CTNNA2: variants seen among roughly 807,000 people sequenced by gnomAD.
CTNNA2 encodes catenin alpha 2.
Under a neutral mutation model 101.0 loss-of-function variants are expected in CTNNA2, and 42 were observed. That is an observed-to-expected ratio of 0.42 (90% CI 0.32 to 0.54). The LOEUF (loss-of-function observed/expected upper bound fraction) is 0.54, where lower values mean the gene tolerates loss of function less well. Among genes scored for constraint, CTNNA2 ranks in the 20% least tolerant of loss-of-function variants. The probability of loss-of-function intolerance (pLI) is 0.14; values close to 1 mark genes in which losing one functional copy is unlikely to be tolerated. For synonymous variants in CTNNA2, 450 were observed against 456.4 expected (o/e 0.99, Z 0.18); for missense variants, 871 against 1,223.1 (o/e 0.71, Z 4.29).
At chr2:79,534,222 T>A (rs1286454146) in intron 1 of CTNNA2, among the ~76,000 whole-genome samples, 1 of 152,184 alleles carries the variant, frequency 6.6e-6, no homozygotes, top group Non-Finnish European at 1.5e-5. Context: ...ATTTAATAAT[T>A]ATTATTTTAT....
At chr2:80,004,377 C>G (rs539306211) in intron 7 of CTNNA2, among the ~76,000 whole-genome samples, 1 of 152,150 alleles carries the variant, frequency 6.6e-6, no homozygotes, top group East Asian at 1.9e-4. Flanking sequence ...CCTCAAAGGA[C>G]CCAGGGAATT....
chr2:80,069,832 C>T (rs1448570305), intron 7 of CTNNA2, among the ~76,000 whole-genome samples: 1 of 152,192 alleles, frequency 6.6e-6, no homozygotes, highest in Non-Finnish European at 1.5e-5. Context: ...GCATTCTGTT[C>T]CCTTTGCCTT....
At chr2:79,817,073 A>G (rs1306552452) in intron 3 of CTNNA2, among the ~76,000 whole-genome samples, 2 of 151,764 alleles carry the variant, frequency 1.3e-5, no homozygotes, top group Non-Finnish European at 2.9e-5. Flanking sequence ...TTTAGGATAC[A>G]TGTGCCCAAC....
At chr2:80,426,904 C>T (rs1453888796) in intron 9 of CTNNA2, among the ~76,000 whole-genome samples, 1 of 152,046 alleles carries the variant, frequency 6.6e-6, no homozygotes, top group East Asian at 1.9e-4. Flanking sequence ...AGCTTTCAGC[C>T]TGAATATCAT....
At position 79,759,477 on chromosome 2, in the gene CTNNA2, C is replaced by T. The variant is rs377565249; in HGVS notation, c.298+14895C>T. On this transcript the variant is annotated intron_variant, in intron 3 of 18. Transcript: ENST00000402739. The stretch of plus-strand genomic sequence containing the variant: ...CCATACTTTTTCTCTGGTTCTCAGG[C>T]TCACCAAGCTTGCTCTGCTTTGAGT... 4.6e-5 allele frequency among the ~76,000 whole-genome samples: 7 copies of T among 152,278 alleles called. No individual in the cohort carries two copies. The East Asian group carries it at 1.4e-3, about 29-fold the overall frequency.
chr2:80,500,313 C>G (rs1486763654), intron 9 of CTNNA2, among the ~76,000 whole-genome samples: 1 of 152,164 alleles, frequency 6.6e-6, no homozygotes, highest in Non-Finnish European at 1.5e-5. Context: ...TTTAACAGCT[C>G]CCTGCCATGA....
intron 15 of CTNNA2, among the ~76,000 whole-genome samples, chr2:80,591,809 T>C (rs753053376): frequency 1.6e-4 from 25 of 152,110 alleles, no homozygotes; most frequent in Non-Finnish European, 3.1e-4. Flanking sequence ...CTCAATGATA[T>C]TCACTCCATT....
At chr2:79,852,533 C>T (rs1424928433) in intron 3 of CTNNA2, among the ~76,000 whole-genome samples, 1 of 152,180 alleles carries the variant, frequency 6.6e-6, no homozygotes, top group Admixed American at 6.5e-5. Flanking sequence ...GGAGTAAGTC[C>T]AATACTTGCC....
chr2:79,953,094 C>T (rs550135868), intron 7 of CTNNA2, among the ~76,000 whole-genome samples: 4 of 152,276 alleles, frequency 2.6e-5, no homozygotes, highest in Admixed American at 6.5e-5. Flanking sequence ...CGATTGACAT[C>T]GAGGCATGTG....
chr2:79,442,189 C>T (rs1221994439), intron 4 of CTNNA2, among the ~76,000 whole-genome samples: 1 of 152,086 alleles, frequency 6.6e-6, no homozygotes, highest in Non-Finnish European at 1.5e-5. Context: ...CAACAATTAG[C>T]ACAAATCAGT....
intron 6 of CTNNA2, among the ~76,000 whole-genome samples, chr2:79,886,940 T>C (rs547361216): frequency 9.9e-5 from 15 of 151,076 alleles, no homozygotes; most frequent in South Asian, 6.5e-4. Flanking sequence ...CACCTCAGCC[T>C]CCCGAGTAGC....
At chr2:80,057,075 A>G (rs987523453) in intron 7 of CTNNA2, among the ~76,000 whole-genome samples, 1 of 152,202 alleles carries the variant, frequency 6.6e-6, no homozygotes, top group South Asian at 2.1e-4. Flanking sequence ...TTGTCAAAGA[A>G]TATGTGTAAG....
chr2:79,661,137 A>G (rs1252361057), intron 2 of CTNNA2, among the ~76,000 whole-genome samples: 1 of 152,136 alleles, frequency 6.6e-6, no homozygotes, highest in Non-Finnish European at 1.5e-5. Context: ...AGAACCACCT[A>G]CTGCAAATCA....
intron 18 of CTNNA2, among the ~76,000 whole-genome samples, chr2:80,623,677 T>C (rs1183131246): frequency 6.6e-6 from 1 of 151,894 alleles, no homozygotes; most frequent in African/African-American, 2.4e-5. Flanking sequence ...TCCTGGGCCA[T>C]GTTGCAAAAA....
intron 3 of CTNNA2, among the ~76,000 whole-genome samples, chr2:79,318,836 A>T (rs1461075632): frequency 6.6e-6 from 1 of 152,232 alleles, no homozygotes; most frequent in Non-Finnish European, 1.5e-5. Flanking sequence ...CTGGCCGTTT[A>T]CAGAACAAGT....
At chr2:79,955,815 C>T (rs1442403019) in intron 7 of CTNNA2, among the ~76,000 whole-genome samples, 1 of 152,134 alleles carries the variant, frequency 6.6e-6, no homozygotes, top group Non-Finnish European at 1.5e-5. Flanking sequence ...CACACTCGGC[C>T]CCCAGGGGAC....
At chr2:79,340,961 A>C (rs575113499) in intron 3 of CTNNA2, among the ~76,000 whole-genome samples, 2 of 152,108 alleles carry the variant, frequency 1.3e-5, no homozygotes, top group South Asian at 2.1e-4. Context: ...ACATTCAAGA[A>C]ATATACATTG....
intron 4 of CTNNA2, among the ~76,000 whole-genome samples, chr2:79,439,957 T>A (rs117985937): frequency 6.6e-6 from 1 of 152,272 alleles, no homozygotes; most frequent in African/African-American, 2.4e-5. Context: ...GGTAAACTAT[T>A]AGATTTTTAA....
chr2:79,869,690 T>C, intron 4 of CTNNA2, 126 bp from the exon 5 acceptor site: 1 of 1,215,200 alleles, frequency 8.2e-7, no homozygotes, highest in East Asian at 2.6e-5. Flanking sequence ...TCTTCTCCTA[T>C]TTTTTCATTT....
Sources: allele counts gnomAD v4.1 joint callset (sites outside exome capture counted in the v4.1 genomes callset), GRCh38; gene constraint gnomAD v4.1.1; transcripts MANE v1.5; gene names NCBI Gene and HGNC (gene_info 2026-07-23, HGNC 2026-07-21).